The following MOB3B variants were observed in gnomAD, a reference collection of about 807,000 sequenced individuals.
MOB3B encodes the protein MOB kinase activator-like 2B.
Under a neutral mutation model 18.7 loss-of-function variants are expected in MOB3B, and 7 were observed. The ratio of observed to expected loss-of-function variants is 0.37; its 90% CI spans 0.21 to 0.70. MOB3B has a LOEUF of 0.70. MOB3B is among the 30% of genes least tolerant of loss of function. The probability of loss-of-function intolerance (pLI) is 0.52; values close to 1 mark genes in which losing one functional copy is unlikely to be tolerated. For synonymous variants in MOB3B, 111 were observed against 99.9 expected (o/e 1.11, Z -0.66); for missense variants, 253 against 281.3 (o/e 0.90, Z 0.72).
intron 2 of MOB3B, among the ~76,000 whole-genome samples, chr9:27,409,811 T>C (rs10812588): frequency 0.094 from 14,343 of 152,034 alleles, 900 homozygotes; most frequent in Admixed American, 0.16. Context: ...CTAGGTGATA[T>C]AAGCCAGACA....
At chr9:27,517,292 AGAT>A (rs1820249850) in intron 1 of MOB3B, among the ~76,000 whole-genome samples, 2 of 152,208 alleles carry the variant, frequency 1.3e-5, no homozygotes, top group Admixed American at 6.5e-5. Context: ...TGTAGGCAAC[AGAT>A]GATGATGATA....
intron 2 of MOB3B, among the ~76,000 whole-genome samples, chr9:27,422,713 T>A (rs1269555722): frequency 6.6e-6 from 1 of 152,222 alleles, no homozygotes; most frequent in Non-Finnish European, 1.5e-5. Flanking sequence ...GAGACAATCA[T>A]AGGTCTTGTT....
chr9:27,330,411 G>T lies in MOB3B; in HGVS notation c.*176C>A. ...CACAGGTCTGGGCTAGCAGCACTCA[G>T]AAGGTTAAGAGCACACAAAGTGAGT... is the stretch of plus-strand genomic sequence containing the variant. On this transcript the variant is annotated 3_prime_UTR_variant, in exon 4 of 4. Transcript: ENST00000262244. 1 of 749,934 alleles carries T rather than the reference G, an allele frequency of 1.3e-6. No homozygotes were observed. 46.5% of individuals were successfully genotyped at this position (749,934 alleles called of 1,614,324 possible). A position where few individuals can be genotyped will look rare whatever the true frequency, so the allele number is the denominator to read the frequency against.
intron 1 of MOB3B, among the ~76,000 whole-genome samples, chr9:27,481,450 TG>T (rs1819647920): frequency 6.7e-6 from 1 of 149,360 alleles, no homozygotes; most frequent in South Asian, 2.1e-4. Flanking sequence ...TAGAGTGTGG[TG>T]GCGCCTGGGG....
At chr9:27,390,336 G>A (rs888622531) in intron 2 of MOB3B, among the ~76,000 whole-genome samples, 3 of 152,104 alleles carry the variant, frequency 2.0e-5, no homozygotes, top group African/African-American at 4.8e-5. Context: ...TGCCTCCTCT[G>A]GGGTTACAGG....
At chr9:27,341,925 C>G (rs554450118) in intron 3 of MOB3B, among the ~76,000 whole-genome samples, 2 of 152,242 alleles carry the variant, frequency 1.3e-5, no homozygotes, top group South Asian at 4.1e-4. Context: ...CCAGTCCACA[C>G]CTGTTTTTGT....
chr9:27,518,905 C>A (rs771679851), intron 1 of MOB3B, among the ~76,000 whole-genome samples: 4 of 152,090 alleles, frequency 2.6e-5, no homozygotes, highest in Non-Finnish European at 5.9e-5. Context: ...GCCACAGATA[C>A]AAAACTAAGA....
chr9:27,462,872 A>T (rs4147186), intron 1 of MOB3B, among the ~76,000 whole-genome samples: 59,118 of 152,042 alleles, frequency 0.39, 11,630 homozygotes, highest in East Asian at 0.45. Context: ...CAAAATGGGC[A>T]AGAAGACTGG....
chr9:27,341,118 G>A (rs763652152), intron 3 of MOB3B, among the ~76,000 whole-genome samples: 2 of 152,238 alleles, frequency 1.3e-5, no homozygotes, highest in Non-Finnish European at 2.9e-5. Flanking sequence ...TTTCTATCAG[G>A]AGTGGGAGGG....
chr9:27,366,166 G>C (rs1011183795), intron 2 of MOB3B, among the ~76,000 whole-genome samples: 24 of 152,148 alleles, frequency 1.6e-4, no homozygotes, highest in Non-Finnish European at 3.5e-4. Flanking sequence ...TTGGTACTCA[G>C]TCAGGAACCC....
intron 2 of MOB3B, among the ~76,000 whole-genome samples, chr9:27,441,637 T>C (rs1025019460): frequency 6.6e-6 from 1 of 152,220 alleles, no homozygotes; most frequent in Non-Finnish European, 1.5e-5. Flanking sequence ...TTAAAACTTA[T>C]GAATCATTTA....
chr9:27,345,144 G>T (rs945944811), intron 3 of MOB3B, among the ~76,000 whole-genome samples: 1 of 152,150 alleles, frequency 6.6e-6, no homozygotes, highest in East Asian at 1.9e-4. Flanking sequence ...CTGAAATGGT[G>T]CATATGCCTC....
chr9:27,523,125 T>C (rs567130255), intron 1 of MOB3B, among the ~76,000 whole-genome samples: 1 of 152,284 alleles, frequency 6.6e-6, no homozygotes, highest in Non-Finnish European at 1.5e-5. Context: ...GTATATCTTT[T>C]TTTTCTTGAG....
chr9:27,378,912 C>G (rs1338641488), intron 2 of MOB3B, among the ~76,000 whole-genome samples: 2 of 152,218 alleles, frequency 1.3e-5, no homozygotes, highest in African/African-American at 4.8e-5. Context: ...GGAATTCTAG[C>G]CCACGTCTTC....
rs73643183 is a variant in MOB3B at position 27,333,834 on chromosome 9, A to G, written c.622-3218T>C. 2.9e-3 allele frequency among the ~76,000 whole-genome samples: 448 copies of G among 152,324 alleles called. 2 individuals carry two copies. The highest frequency in any genetic ancestry group is 0.01 in the African/African-American group (435 of 41,562). On this transcript the variant is annotated intron_variant, in intron 3 of 3. Coordinates refer to ENST00000262244, the MANE Select transcript of MOB3B (RefSeq NM_024761.5). ...CCATCCTCTGAAGCCTGTCAAAGAA[A>G]GAGGACCCATCGCCCCCTGCTCACC... is the stretch of plus-strand genomic sequence containing the variant.
intron 2 of MOB3B, among the ~76,000 whole-genome samples, chr9:27,365,472 A>AT (rs1821331116): frequency 6.7e-6 from 1 of 149,226 alleles, no homozygotes; most frequent in Admixed American, 6.8e-5. Context: ...AATAGATTGT[A>AT]TATCTTAAGG....
chr9:27,525,024 A>T (rs700784), intron 1 of MOB3B: 1,333,908 of 1,336,020 alleles, frequency 1, 665,924 homozygotes, highest in East Asian at 1. Context: ...TCCTCCTCCA[A>T]CTTCTTTTTA....
rs1820757726 is a variant in MOB3B at position 27,329,486 on chromosome 9, CG to C, written c.*1100del. On this transcript the variant is annotated 3_prime_UTR_variant, in exon 4 of 4. Transcript: ENST00000262244. ...ACAGGGGCAGAAATTAATTTTGTGC[CG>C]TAACATAACGTGGCAGAGGAGTGGG... is the stretch of plus-strand genomic sequence containing the variant. 1 of 152,144 alleles carries C rather than the reference CG, an allele frequency of 6.6e-6. No individual in the cohort carries two copies. The highest frequency in any genetic ancestry group is 2.4e-5 in the African/African-American group (1 of 41,384). 9.4% of individuals were successfully genotyped at this position (152,144 alleles called of 1,614,324 possible). A position where few individuals can be genotyped will look rare whatever the true frequency, so the allele number is the denominator to read the frequency against.
chr9:27,481,010 T>C (rs941334019), intron 1 of MOB3B, among the ~76,000 whole-genome samples: 2 of 151,992 alleles, frequency 1.3e-5, no homozygotes, highest in African/African-American at 4.8e-5. Context: ...GAGGGATAAA[T>C]AAGAAGGGTG....
Sources: gnomAD v4.1 joint callset for allele counts (sites outside exome capture counted in the v4.1 genomes callset) on GRCh38, gnomAD v4.1.1 for gene constraint, MANE v1.5 for transcripts, NCBI Gene and HGNC (gene_info 2026-07-23, HGNC 2026-07-21) for gene names.